Variants in AGBL1 observed in about 807,000 individuals in gnomAD.
The protein encoded by AGBL1 is AGBL carboxypeptidase 1, also known as cytosolic carboxypeptidase 4.
In AGBL1, 130 loss-of-function variants were observed where a neutral mutation model predicts 118.9. That is an observed-to-expected ratio of 1.09 (90% confidence interval 0.95 to 1.26). The LOEUF is 1.26. Ranked by LOEUF, AGBL1 falls within the 50% of genes most tolerant of loss-of-function variation. AGBL1 has a pLI of 0.00. For synonymous variants in AGBL1, 555 were observed against 478.9 expected, an observed-to-expected ratio of 1.16 and a Z score of -2.08; for missense variants, 1,584 against 1,298.1, an observed-to-expected ratio of 1.22 and a Z score of -3.38.
At position 87,028,779 on chromosome 15, in the gene AGBL1, C is replaced by A. The variant is rs759944003; in HGVS notation, c.3324-46C>A. On this transcript the variant is annotated intron_variant, in intron 24 of 24. Coordinates refer to the AGBL1 transcript ENST00000441037. ...AACTTGTGGCACAAACCAGAAGTTA[C>A]ACGGCTTCAAGCATAGTAATTAATA... The A allele has an allele frequency of 2.5e-6, 4 of 1,577,352 alleles. No individual in the cohort carries two copies. The East Asian group carries it at 9.0e-5, about 36-fold the overall frequency.
At chr15:86,316,992 G>C (rs1001321393) in intron 17 of AGBL1, 2 of 152,182 alleles carry the variant, frequency 1.3e-5, no homozygotes, top group Non-Finnish European at 2.9e-5. Context: ...GAGCCGTCCT[G>C]TGAACAAACA....
intron 22 of AGBL1, among the ~76,000 whole-genome samples, chr15:86,814,052 G>A (rs374868476): frequency 4.2e-4 from 64 of 152,198 alleles, no homozygotes; most frequent in African/African-American, 1.5e-3. Flanking sequence ...GCTTTAGACC[G>A]GGGTTCCCAA....
Position 86,498,061 on chromosome 15 carries a change from T to C in AGBL1, c.2556-24749T>C, listed in dbSNP as rs551811273. ...TTCAATCTTCTACATTTAAACAAAA[T>C]TTTTTTCCATTAAGATTTTATAGAC... On this transcript the variant is annotated intron_variant, in intron 18 of 22. Coordinates refer to ENST00000614907, the MANE Select transcript of AGBL1 (RefSeq NM_001386094.1). 8.6e-5 allele frequency among the ~76,000 whole-genome samples: 13 copies of C among 152,018 alleles called. No individual in the cohort carries two copies. The East Asian group carries it at 2.3e-3, about 27-fold the overall frequency.
chr15:86,923,428 ACCT>A, intron 23 of AGBL1, among the ~76,000 whole-genome samples: 1 of 151,926 alleles, frequency 6.6e-6, no homozygotes, highest in Non-Finnish European at 1.5e-5. Context: ...GCCTGTTATC[ACCT>A]CCTCACCTTT....
chr15:86,921,167 A>G (rs2080478392), intron 23 of AGBL1, among the ~76,000 whole-genome samples: 1 of 152,234 alleles, frequency 6.6e-6, no homozygotes, highest in Non-Finnish European at 1.5e-5. Context: ...AGGTCGTAAG[A>G]GGATTCAAAG....
intron 22 of AGBL1, among the ~76,000 whole-genome samples, chr15:86,874,818 A>G (rs950430357): frequency 6.6e-6 from 1 of 152,156 alleles, no homozygotes; most frequent in African/African-American, 2.4e-5. Flanking sequence ...GACATATGCT[A>G]CTTTCTATTC....
chr15:86,995,244 G>A (rs974097814), intron 24 of AGBL1, among the ~76,000 whole-genome samples: 2 of 152,036 alleles, frequency 1.3e-5, no homozygotes, highest in Admixed American at 6.6e-5. Context: ...AAAATTAGCC[G>A]AACTTGATGG....
At chr15:86,679,649 G>A (rs1211403219) in intron 22 of AGBL1, among the ~76,000 whole-genome samples, 1 of 142,432 alleles carries the variant, frequency 7.0e-6, no homozygotes, top group Admixed American at 7.8e-5. Context: ...AAATGAGAAT[G>A]ACTCTAAGCA....
chr15:86,572,984 G>C (rs1199266034), intron 21 of AGBL1, among the ~76,000 whole-genome samples: 1 of 152,172 alleles, frequency 6.6e-6, no homozygotes, highest in East Asian at 1.9e-4. Flanking sequence ...CAATAATTCT[G>C]TTTATATGCT....
intron 21 of AGBL1, among the ~76,000 whole-genome samples, chr15:86,656,737 G>T (rs1396573422): frequency 6.6e-6 from 1 of 151,912 alleles, no homozygotes; most frequent in African/African-American, 2.4e-5. Flanking sequence ...TACACCCCCT[G>T]AGCTCCCTTA....
intron 22 of AGBL1, among the ~76,000 whole-genome samples, chr15:86,788,773 C>T (rs552265879): frequency 3.3e-5 from 5 of 152,186 alleles, no homozygotes; most frequent in South Asian, 2.1e-4. Context: ...CCAGCATGGT[C>T]GAAGGCCTCT....
At chr15:86,813,461 G>A (rs1422671384) in intron 22 of AGBL1, among the ~76,000 whole-genome samples, 1 of 152,164 alleles carries the variant, frequency 6.6e-6, no homozygotes, top group Admixed American at 6.6e-5. Flanking sequence ...TTTATAAGAA[G>A]AGTCATATAT....
At chr15:86,918,316 G>C (rs755786578), downstream of AGBL1, among the ~76,000 whole-genome samples, 1 of 152,128 alleles carries the variant, frequency 6.6e-6, no homozygotes, top group Admixed American at 6.5e-5. Context: ...TTAGTGGAGA[G>C]GCTGCATTTG....
At chr15:86,407,992 G>A (rs1596077242) in intron 18 of AGBL1, among the ~76,000 whole-genome samples, 1 of 152,268 alleles carries the variant, frequency 6.6e-6, no homozygotes, top group African/African-American at 2.4e-5. Context: ...GAGAAGGAGC[G>A]ACAGGAAGAA....
chr15:86,177,697 G>A (rs1425366693), intron 5 of AGBL1, among the ~76,000 whole-genome samples: 1 of 152,102 alleles, frequency 6.6e-6, no homozygotes, highest in Non-Finnish European at 1.5e-5. Flanking sequence ...AGGAACTATA[G>A]GTCAAAGAAG....
intron 17 of AGBL1, among the ~76,000 whole-genome samples, chr15:86,391,017 TAAAA>T (rs985288925): frequency 8.3e-6 from 1 of 121,040 alleles, no homozygotes; most frequent in African/African-American, 2.9e-5. Flanking sequence ...ACTATGGTGA[TAAAA>T]AAAAAAAAAA....
chr15:86,269,858 T>C (rs1414217907), intron 13 of AGBL1, 61 bp from the exon 14 acceptor site: 2 of 1,564,724 alleles, frequency 1.3e-6, no homozygotes, highest in African/African-American at 2.7e-5. Context: ...AGATTCTTAG[T>C]GTCTGAAGTT....
intron 5 of AGBL1, among the ~76,000 whole-genome samples, chr15:86,160,557 C>G (rs1225988794): frequency 6.6e-6 from 1 of 152,200 alleles, no homozygotes; most frequent in East Asian, 1.9e-4. Flanking sequence ...GGATATGTCT[C>G]ATTTTTATCA....
chr15:86,982,279 A>ATAT (rs1386010872), intron 23 of AGBL1, among the ~76,000 whole-genome samples: 4 of 152,148 alleles, frequency 2.6e-5, no homozygotes, highest in Non-Finnish European at 5.9e-5. Context: ...CAGAGAACAT[A>ATAT]TATTTTCACC....
Sources: gnomAD v4.1 joint callset for allele counts (sites outside exome capture counted in the v4.1 genomes callset) on GRCh38, gnomAD v4.1.1 for gene constraint, MANE v1.5 for transcripts, NCBI Gene and HGNC (gene_info 2026-07-23, HGNC 2026-07-21) for gene names.